The following PARVG variants were observed in gnomAD, a reference collection of about 807,000 sequenced individuals.
PARVG encodes the protein parvin gamma.
Under a neutral mutation model 44.4 loss-of-function variants are expected in PARVG, and 36 were observed. The observed-to-expected ratio is 0.81, with a 90% CI of 0.62 to 1.07. PARVG has a LOEUF of 1.07. Ranked by LOEUF, PARVG falls within the 50% of genes least tolerant of loss-of-function variation. The pLI, the probability that PARVG is intolerant of heterozygous loss-of-function variation, is 0.00. For synonymous variants in PARVG, 170 were observed against 174.1 expected, an observed-to-expected ratio of 0.98 and a Z score of 0.19; for missense variants, 407 against 407.4, an observed-to-expected ratio of 1.00 and a Z score of 0.01.
chr22:44,193,180 A>G (rs1190471630), intron 8 of PARVG, among the ~76,000 whole-genome samples: 1 of 152,148 alleles, frequency 6.6e-6, no homozygotes, highest in Non-Finnish European at 1.5e-5. Flanking sequence ...GACCTACAGA[A>G]CTTCTCTTCT....
chr22:44,191,783 G>T (rs1474573156), intron 7 of PARVG, among the ~76,000 whole-genome samples: 1 of 152,162 alleles, frequency 6.6e-6, no homozygotes, highest in Non-Finnish European at 1.5e-5. Context: ...TAAATCAGAA[G>T]TGACTTCATT....
rs1458815821 is a variant in PARVG at position 44,196,161 on chromosome 22, T to C, written c.590T>C (p.Val197Ala). ...ATTGGATCTGTGTCTGCAGAGGACG[T>C]CTTTGATGAATTATTTAAGCTGGCT... The part of the protein sequence containing the change: ...STDKDEPPKD[V>A]FDELFKLAPE... Residue 197 changes from valine to alanine, a missense_variant, in exon 10 of 14, where the codon GTC (valine) becomes GCC (alanine). Physicochemically the swap from Val to Ala is moderately conservative, Grantham distance 64. Coordinates refer to ENST00000444313, the MANE Select transcript of PARVG (RefSeq NM_022141.7). 2 of 1,613,968 alleles carry C rather than the reference T, an allele frequency of 1.2e-6. No homozygotes were observed. Among genetic ancestry groups the C allele is most frequent in the Non-Finnish European group, 1.7e-6 (2 of 1,180,010 alleles).
Position 44,181,788 on chromosome 22 carries a change from A to G in PARVG, c.-142A>G. 1.0e-6 allele frequency: 1 copy of G among 985,440 alleles called. No homozygotes were observed. Among genetic ancestry groups the G allele is most frequent in the South Asian group, 4.7e-5 (1 of 21,292 alleles). 61.0% of individuals were successfully genotyped at this position (985,440 alleles called of 1,614,324 possible). On this transcript the variant is annotated 5_prime_UTR_variant, in exon 2 of 14. Coordinates refer to ENST00000444313, the MANE Select transcript of PARVG (RefSeq NM_022141.7). ...CTGAGCGGGCCTGGAGGAAGTGAGC[A>G]GCGGGGCTCCTGCCTCCCGGCCTGG...
chr22:44,173,042 T>A, exon 1 of PARVG: 1 of 1,289,770 alleles, frequency 7.8e-7, no homozygotes, highest in Non-Finnish European at 1.0e-6. Context: ...GCGTTGTGAC[T>A]CCACCCAGCG....
At chr22:44,194,457 A>G (rs529382310) in intron 9 of PARVG, among the ~76,000 whole-genome samples, 3 of 152,102 alleles carry the variant, frequency 2.0e-5, no homozygotes, top group South Asian at 4.2e-4. Context: ...TCTTCCATTC[A>G]TCTATCTACT....
At chr22:44,173,029 A>AG in exon 1 of PARVG, 1 of 1,289,798 alleles carries the variant, frequency 7.8e-7, no homozygotes, top group African/African-American at 1.5e-5. Flanking sequence ...AACAGGTGCC[A>AG]GGGCGTTGTG....
intron 7 of PARVG, 85 bp downstream of exon 7, chr22:44,190,751 C>A: frequency 1.6e-6 from 2 of 1,216,608 alleles, no homozygotes; most frequent in Non-Finnish European, 2.4e-6. Context: ...GTGGAGCTGG[C>A]TGGGGCGGGG....
At chr22:44,203,411 C>T (rs1056381944) in intron 12 of PARVG, among the ~76,000 whole-genome samples, 5 of 152,254 alleles carry the variant, frequency 3.3e-5, no homozygotes, top group Admixed American at 6.5e-5. Flanking sequence ...TCTAATAAGT[C>T]CTGCAGTGAA....
At chr22:44,190,772 GT>G in intron 7 of PARVG, 106 bp downstream of exon 7, 1 of 936,312 alleles carries the variant, frequency 1.1e-6, no homozygotes, top group Non-Finnish European at 1.7e-6. Context: ...CTGACCCAGG[GT>G]GAGTTTCAGG....
chr22:44,200,036 C>T (rs2054684870), intron 12 of PARVG, among the ~76,000 whole-genome samples: 2 of 152,132 alleles, frequency 1.3e-5, no homozygotes, highest in South Asian at 2.1e-4. Flanking sequence ...AAAGATGCAG[C>T]TCCCACCGCC....
rs561534186 is a variant in PARVG at position 44,196,453 on chromosome 22, G to C, written c.711+38G>C. 1.9e-6 allele frequency: 3 copies of C among 1,609,276 alleles called. No individual in the cohort carries two copies. The East Asian group carries it at 6.7e-5, about 36-fold the overall frequency. ...CTGCGGCGTCCCCAGGCAGGGCAGG[G>C]CCACTGGCCGTAGGAAGGAAAGAGG... On this transcript the variant is annotated intron_variant, in intron 11 of 13. Transcript: ENST00000444313.
intron 9 of PARVG, among the ~76,000 whole-genome samples, chr22:44,194,394 G>T (rs139143): frequency 1.0e-3 from 155 of 152,208 alleles, no homozygotes; most frequent in Non-Finnish European, 1.8e-3. Context: ...GGTCTGGCCA[G>T]CTCTTCCCCT....
At chr22:44,185,963 C>T (rs2054462217) in intron 4 of PARVG, 91 bp downstream of exon 4, 4 of 1,309,226 alleles carry the variant, frequency 3.1e-6, no homozygotes, top group Non-Finnish European at 4.3e-6. Context: ...AGGCTGTCCC[C>T]ACTCCTTGGC....
rs755966221 is a variant in PARVG, at chr22:44,198,734, A to G, written c.813+12A>G. On this transcript the variant is annotated intron_variant, in intron 12 of 13. Transcript: ENST00000444313. ...CTCCTGCAGAAATGGTAAGTTTTCC[A>G]AGGATTTTTCTTTATGGTCTACCTC... 6.3e-7 allele frequency: 1 copy of G among 1,589,708 alleles called. No individual in the cohort carries two copies. Among genetic ancestry groups the G allele is most frequent in the South Asian group, 1.1e-5 (1 of 90,640 alleles).
intron 9 of PARVG, 128 bp downstream of exon 9, chr22:44,193,951 C>A: frequency 1.6e-6 from 2 of 1,217,102 alleles, no homozygotes; most frequent in Non-Finnish European, 1.2e-6. Context: ...GTATCTCAAG[C>A]CTCATTCTTA....
In PARVG at chr22:44,181,705, C is replaced by T. The variant is rs1038655861; in HGVS notation, c.-188-37C>T. 3.0e-5 allele frequency: 30 copies of T among 985,158 alleles called. No individual in the cohort carries two copies. In the South Asian group the frequency reaches 1.0e-3, roughly 34 times the overall value. The allele number at this position is 985,158 out of a possible 1,614,324, so 61.0% of individuals were successfully genotyped here. On this transcript the variant is annotated intron_variant, in intron 1 of 13. Coordinates refer to ENST00000444313, the MANE Select transcript of PARVG (RefSeq NM_022141.7). ...TTTCTGGAGGTTTGTGGCAGCTTCACTTTCACGGCATCCACCCCCCTCGGG... is the reference window on the plus strand; with the variant it reads ...TTTCTGGAGGTTTGTGGCAGCTTCATTTTCACGGCATCCACCCCCCTCGGG...
At chr22:44,172,966 C>G in exon 1 of PARVG, 2 of 1,287,912 alleles carry the variant, frequency 1.6e-6, no homozygotes, top group Non-Finnish European at 2.0e-6. Flanking sequence ...CTTTGTTTGG[C>G]TGCTGTTTTA....
At chr22:44,180,919 G>A (rs572822653), upstream of PARVG, 1 of 985,386 alleles carries the variant, frequency 1.0e-6, no homozygotes, top group South Asian at 4.7e-5. Flanking sequence ...GGATGGTGAA[G>A]ATTCCAGCTT....
At chr22:44,179,134 A>G (rs2054345050), upstream of PARVG, among the ~76,000 whole-genome samples, 2 of 152,172 alleles carry the variant, frequency 1.3e-5, no homozygotes, top group South Asian at 4.1e-4. This position sits in a 1 kb window ranked among gnomAD's most constrained non-coding sequence, Gnocchi z 4.2. Flanking sequence ...TCTGAAAAAA[A>G]AAAAGGCTGG....
Sources: allele counts gnomAD v4.1 joint callset (sites outside exome capture counted in the v4.1 genomes callset), GRCh38; gene constraint gnomAD v4.1.1; non-coding constraint Gnocchi (gnomAD v3.1); transcripts MANE v1.5; gene names NCBI Gene and HGNC (gene_info 2026-07-23, HGNC 2026-07-21).